Variants in REL observed in about 807,000 individuals in gnomAD.
The protein encoded by REL is REL proto-oncogene, NF-kB subunit.
Under a neutral mutation model 45.9 loss-of-function variants are expected in REL, and 15 were observed. That is an observed-to-expected ratio of 0.33 (90% CI 0.22 to 0.50). The LOEUF (loss-of-function observed/expected upper bound fraction) is 0.50. Ranked by LOEUF, REL falls within the 20% of genes least tolerant of loss-of-function variation. REL has a pLI of 0.98. For synonymous variants in REL, 239 were observed against 242.1 expected (o/e 0.99, Z 0.12); for missense variants, 601 against 715.2 (o/e 0.84, Z 1.82).
intron 7 of REL, 29 bp from the exon 8 acceptor site, chr2:60,920,012 A>T (rs372232496): frequency 1.4e-6 from 2 of 1,472,268 alleles, no homozygotes; most frequent in Non-Finnish European, 1.9e-6. Flanking sequence ...ATAATTTTTT[A>T]TCTGCTTTCC....
Position 60,913,496 on chromosome 2 carries a change from A to G in REL, c.395-3381A>G, listed in dbSNP as rs114490425. Reference sequence around the variant, plus strand: ...TGGGCTTTCATCCCTGAAATCTGATATGTTTCCAGTTCACCCTTACTCCTA... The same window carrying G: ...TGGGCTTTCATCCCTGAAATCTGATGTGTTTCCAGTTCACCCTTACTCCTA... On this transcript the variant is annotated intron_variant, in intron 4 of 9. Transcript: ENST00000394479. Among the ~76,000 whole-genome samples the G allele has an allele frequency of 3.3e-3, 497 of 152,236 alleles. 6 individuals are homozygous for G. The highest frequency in any genetic ancestry group is 0.011 in the African/African-American group (476 of 41,554).
At chr2:60,896,294 C>G (rs754752875) in intron 3 of REL, among the ~76,000 whole-genome samples, 20 of 152,132 alleles carry the variant, frequency 1.3e-4, no homozygotes, top group South Asian at 4.1e-4. Flanking sequence ...CAAGCGTGAG[C>G]CACGGCACCT....
intron 3 of REL, among the ~76,000 whole-genome samples, chr2:60,895,342 C>T (rs1015001840): frequency 3.3e-5 from 5 of 151,774 alleles, no homozygotes; most frequent in African/African-American, 9.7e-5. Flanking sequence ...CCACCATGCC[C>T]GGCTAATTTT....
intron 2 of REL, among the ~76,000 whole-genome samples, chr2:60,892,435 T>G (rs1039651238): frequency 6.6e-6 from 1 of 152,214 alleles, no homozygotes; most frequent in African/African-American, 2.4e-5. Flanking sequence ...TTTATTTATT[T>G]ATTTATTTTT....
At chr2:60,897,847 C>T (rs893118561) in intron 3 of REL, among the ~76,000 whole-genome samples, 1 of 142,512 alleles carries the variant, frequency 7.0e-6, no homozygotes, top group Non-Finnish European at 1.5e-5. Context: ...GGCAACAGAG[C>T]GAGATTGTAT....
At chr2:60,898,429 C>T (rs909423730) in intron 3 of REL, among the ~76,000 whole-genome samples, 1 of 152,092 alleles carries the variant, frequency 6.6e-6, no homozygotes, top group African/African-American at 2.4e-5. Context: ...CCTCTGTTTC[C>T]ACTGCTCTTT....
chr2:60,884,401 A>C (rs1471915619), intron 1 of REL, among the ~76,000 whole-genome samples: 2 of 152,110 alleles, frequency 1.3e-5, no homozygotes, highest in Admixed American at 1.3e-4. Flanking sequence ...TTAGCAGATT[A>C]ATTAGGATTT....
chr2:60,914,835 G>GTTTTT (rs34572751), intron 4 of REL, among the ~76,000 whole-genome samples: 1 of 131,188 alleles, frequency 7.6e-6, no homozygotes, highest in African/African-American at 2.8e-5. Flanking sequence ...TTGTTTTTTT[G>GTTTTT]TTTTTTTTTT....
At chr2:60,900,930 T>C in intron 3 of REL, 62 bp from the exon 4 acceptor site, 1 of 1,389,994 alleles carries the variant, frequency 7.2e-7, no homozygotes, top group East Asian at 2.3e-5. Flanking sequence ...GCTATATGTT[T>C]GATTTTTGCA....
At chr2:60,908,976 T>G (rs1673732461) in intron 4 of REL, among the ~76,000 whole-genome samples, 1 of 152,180 alleles carries the variant, frequency 6.6e-6, no homozygotes, top group African/African-American at 2.4e-5. Context: ...ACTTAAAGTT[T>G]GAAAAAATGG....
In REL at chr2:60,929,284, C is replaced by G. The variant is rs1377654609; in HGVS notation, c.*6749C>G. 1.4e-5 allele frequency: 2 copies of G among 146,478 alleles called. No homozygotes were observed. Among genetic ancestry groups the G allele is most frequent in the South Asian group, 2.1e-4 (1 of 4,696 alleles). The allele number at this position is 146,478 out of a possible 1,614,324, so 9.1% of individuals were successfully genotyped here. ...GTGGCGATTCCTCAGGGATGTAGAA[C>G]TGGAAATACCGTTTGACCCAGCCAT... On this transcript the variant is annotated 3_prime_UTR_variant, in exon 10 of 10. Transcript: ENST00000394479.
intron 2 of REL, 134 bp from the exon 3 acceptor site, chr2:60,894,263 A>G: frequency 2.1e-6 from 1 of 478,902 alleles, no homozygotes; most frequent in Non-Finnish European, 3.6e-6. Flanking sequence ...TCTAAACTGC[A>G]GTTGTTCGTC....
chr2:60,901,081 A>G lies in REL; in HGVS notation c.392A>G (p.Asn131Ser), dbSNP rs758702004. 24 of 1,581,430 alleles carry G rather than the reference A, an allele frequency of 1.5e-5. No individual in the cohort carries two copies. The highest frequency in any genetic ancestry group is 4.7e-5 in the South Asian group (4 of 85,078). ...TRIKAGINPF[N>S]VPEKQLNDIE... The stretch of plus-strand genomic sequence containing the variant: ...ATAAAGGCAGGAATCAATCCATTCA[A>G]TGGTAAGTATGTTTGATAAAATCAT... Residue 131 changes from asparagine to serine, a missense_variant and splice_region_variant, in exon 4 of 10, where the codon AAT (asparagine) becomes AGT (serine). Transcript: ENST00000394479.
chr2:60,882,746 A>G (rs1298091554), intron 1 of REL, among the ~76,000 whole-genome samples: 1 of 152,144 alleles, frequency 6.6e-6, no homozygotes, highest in Non-Finnish European at 1.5e-5. Flanking sequence ...ACGAATAGAG[A>G]CGTTGAATCC....
At chr2:60,907,905 G>A (rs1232747249) in intron 4 of REL, among the ~76,000 whole-genome samples, 1 of 151,484 alleles carries the variant, frequency 6.6e-6, no homozygotes, top group African/African-American at 2.4e-5. Flanking sequence ...TGTTAGCCAG[G>A]ATGGCCTCGG....
rs141106831 is a variant in REL at position 60,918,224 on chromosome 2, G to A, written c.569G>A (p.Arg190His). The part of the protein sequence containing the change: ...APNTAELRIC[R>H]VNKNCGSVRG... ...AATACTGCAGAATTAAGGATTTGTC[G>A]TGTAAACAAGAATTGTGGAAGTGTC... Residue 190 changes from arginine (R) to histidine (H), a missense_variant, in exon 6 of 10, where the codon CGT becomes CAT. Around this residue, in one of 4 missense-constraint regions of REL, gnomAD observed 241 missense variants for 347.0 expected, o/e 0.69. Transcript: ENST00000394479. 3.1e-6 allele frequency: 5 copies of A among 1,609,316 alleles called. No individual in the cohort carries two copies. Among genetic ancestry groups the A allele is most frequent in the African/African-American group, 1.3e-5 (1 of 74,830 alleles).
chr2:60,913,723 CT>C (rs1475753790), intron 4 of REL, among the ~76,000 whole-genome samples: 1 of 152,144 alleles, frequency 6.6e-6, no homozygotes, highest in Non-Finnish European at 1.5e-5. Context: ...GGGTTTTCTT[CT>C]CTCATATCTT....
intron 3 of REL, among the ~76,000 whole-genome samples, chr2:60,898,747 AT>A (rs766663123): frequency 1.4e-4 from 22 of 152,246 alleles, no homozygotes; most frequent in Admixed American, 3.3e-4. Context: ...CTGTGTTCCA[AT>A]AAAACTTTAT....
chr2:60,920,392 G>A (rs1297488744), intron 8 of REL, 182 bp from the exon 9 acceptor site: 2 of 651,660 alleles, frequency 3.1e-6, no homozygotes, highest in Admixed American at 5.7e-5. Flanking sequence ...GTAGAAACAG[G>A]GTTTCGCCAT....
Sources: allele counts gnomAD v4.1 joint callset (sites outside exome capture counted in the v4.1 genomes callset), GRCh38; gene constraint gnomAD v4.1.1; regional missense constraint gnomAD v4.1.1; transcripts MANE v1.5; gene names NCBI Gene and HGNC (gene_info 2026-07-23, HGNC 2026-07-21).